ENTREP2: variants seen among roughly 807,000 people sequenced by gnomAD.
ENTREP2 encodes protein ENTREP2.
At chr15:29,620,578 C>T in the ENTREP2 span, among the ~76,000 whole-genome samples, 5 of 151,954 alleles carry the variant, frequency 3.3e-5, no homozygotes, top group East Asian at 1.9e-4. Context: ...TTCCAGGCTC[C>T]GATGAAGTAT....
At chr15:29,592,051 G>A in the ENTREP2 span, among the ~76,000 whole-genome samples, 17 of 152,112 alleles carry the variant, frequency 1.1e-4, no homozygotes, top group Non-Finnish European at 2.1e-4. Flanking sequence ...CTTGATCTTG[G>A]ACTTCTAGCT....
At chr15:29,220,209 C>A in the ENTREP2 span, among the ~76,000 whole-genome samples, 6 of 152,150 alleles carry the variant, frequency 3.9e-5, no homozygotes, top group South Asian at 1.2e-3. Flanking sequence ...GCTCCAGTGC[C>A]CAGCCTAGAA....
chr15:29,134,585 G>A, the ENTREP2 span, among the ~76,000 whole-genome samples: 4 of 152,326 alleles, frequency 2.6e-5, no homozygotes, highest in Admixed American at 2.0e-4. Context: ...GTCTGAATGC[G>A]CTGTCCATAT....
the ENTREP2 span, among the ~76,000 whole-genome samples, chr15:29,570,972 T>TGCGCCCTCCCCCGCCCGCCCC: frequency 1.0e-4 from 15 of 143,530 alleles, no homozygotes; most frequent in Admixed American, 5.5e-4. Flanking sequence ...CGCGCCGCGC[T>TGCGCCCTCCCCCGCCCGCCCC]GCGCCCTCCC....
At chr15:29,291,138 T>C in the ENTREP2 span, among the ~76,000 whole-genome samples, 1 of 152,158 alleles carries the variant, frequency 6.6e-6, no homozygotes, top group African/African-American at 2.4e-5. Flanking sequence ...GGGGTCTCAT[T>C]ACCTCCCTTC....
chr15:29,451,578 GTGAC>G, the ENTREP2 span, among the ~76,000 whole-genome samples: 1 of 152,194 alleles, frequency 6.6e-6, no homozygotes, highest in African/African-American at 2.4e-5. Flanking sequence ...GACTCGGGGC[GTGAC>G]TGAAATGCAT....
chr15:29,297,060 A>C, the ENTREP2 span, among the ~76,000 whole-genome samples: 2 of 152,192 alleles, frequency 1.3e-5, no homozygotes, highest in African/African-American at 2.4e-5. Context: ...CTTAAAAACA[A>C]ACTCAAAAGC....
At chr15:29,256,848 A>C in the ENTREP2 span, among the ~76,000 whole-genome samples, 2 of 152,016 alleles carry the variant, frequency 1.3e-5, no homozygotes, top group African/African-American at 4.8e-5. Flanking sequence ...TTTATTTTTT[A>C]ATTTTATATT....
chr15:29,478,118 G>A, the ENTREP2 span, among the ~76,000 whole-genome samples: 1 of 142,150 alleles, frequency 7.0e-6, no homozygotes, highest in Non-Finnish European at 1.5e-5. Context: ...TCCGCCTCCC[G>A]GGTTCACGCC....
At chr15:29,253,163 T>G in the ENTREP2 span, among the ~76,000 whole-genome samples, 1 of 152,236 alleles carries the variant, frequency 6.6e-6, no homozygotes, top group East Asian at 1.9e-4. Flanking sequence ...GTCTAAATTT[T>G]TTCACACTTT....
the ENTREP2 span, among the ~76,000 whole-genome samples, chr15:29,372,389 A>G: frequency 0.015 from 2,210 of 152,336 alleles, 66 homozygotes; most frequent in African/African-American, 0.051. Flanking sequence ...CATATAATAC[A>G]TCTAACATAC....
At chr15:29,479,526 A>G in the ENTREP2 span, among the ~76,000 whole-genome samples, 1 of 152,088 alleles carries the variant, frequency 6.6e-6, no homozygotes, top group Non-Finnish European at 1.5e-5. Flanking sequence ...CCAGCTGGAC[A>G]GCACAACTAT....
chr15:29,646,749 T>A, the ENTREP2 span, among the ~76,000 whole-genome samples: 11 of 152,226 alleles, frequency 7.2e-5, no homozygotes. Flanking sequence ...GGGATGGAAA[T>A]CTTGGGGCAT....
At chr15:29,449,593 T>G in the ENTREP2 span, among the ~76,000 whole-genome samples, 1 of 152,134 alleles carries the variant, frequency 6.6e-6, no homozygotes, top group Non-Finnish European at 1.5e-5. Flanking sequence ...AGAACCACTC[T>G]GAAGCACAGA....
At chr15:29,216,105 C>G in the ENTREP2 span, among the ~76,000 whole-genome samples, 6 of 151,974 alleles carry the variant, frequency 3.9e-5, no homozygotes, top group African/African-American at 1.4e-4. Context: ...GATGTGTTTC[C>G]AAGATTTGTT....
At chr15:29,601,597 G>C in the ENTREP2 span, among the ~76,000 whole-genome samples, 2 of 152,022 alleles carry the variant, frequency 1.3e-5, no homozygotes, top group Non-Finnish European at 2.9e-5. Flanking sequence ...CACATGATCA[G>C]CTATGTCTTC....
At chr15:29,645,478 C>T in the ENTREP2 span, among the ~76,000 whole-genome samples, 2 of 152,192 alleles carry the variant, frequency 1.3e-5, no homozygotes, top group East Asian at 3.8e-4. Context: ...TCCCTGCAAC[C>T]TCACCAAAGT....
the ENTREP2 span, among the ~76,000 whole-genome samples, chr15:29,257,342 G>C: frequency 1.3e-5 from 2 of 152,072 alleles, no homozygotes; most frequent in Non-Finnish European, 2.9e-5. Flanking sequence ...CAAAGTGCTG[G>C]GATTACAGGC....
At chr15:29,654,554 C>G in the ENTREP2 span, among the ~76,000 whole-genome samples, 3 of 152,164 alleles carry the variant, frequency 2.0e-5, no homozygotes, top group East Asian at 5.8e-4. Context: ...TTCTATCAAG[C>G]ATGTTTTACA....
Sources: gnomAD v4.1 joint callset for allele counts (sites outside exome capture counted in the v4.1 genomes callset) on GRCh38, gnomAD v4.1.1 for gene constraint, MANE v1.5 for transcripts, NCBI Gene and HGNC (gene_info 2026-07-23, HGNC 2026-07-21) for gene names.